XKR7: variants seen among roughly 807,000 people sequenced by gnomAD.
XKR7 encodes the protein XK related 7, also known as XK-related protein 7.
XKR7 carries 11 observed loss-of-function variants against 42.2 expected under a neutral mutation model. The observed-to-expected ratio is 0.26, with a 90% CI of 0.16 to 0.43. The LOEUF (loss-of-function observed/expected upper bound fraction) is 0.43, where lower values mean the gene tolerates loss of function less well. Among genes scored for constraint, XKR7 ranks in the 20% least tolerant of loss-of-function variants. The probability of loss-of-function intolerance (pLI) is 1.00; values close to 1 mark genes in which losing one functional copy is unlikely to be tolerated. For missense variants in XKR7, 710 were observed against 802.2 expected, an observed-to-expected ratio of 0.89 and a Z score of 1.39; for synonymous variants, 346 against 366.4, an observed-to-expected ratio of 0.94 and a Z score of 0.64.
chr20:31,975,251 C>A (rs964818312), intron 1 of XKR7, among the ~76,000 whole-genome samples: 7 of 152,136 alleles, frequency 4.6e-5, no homozygotes, highest in African/African-American at 1.4e-4. Flanking sequence ...CCCGCCTCCA[C>A]CTGCAGGCAG....
At chr20:31,976,573 C>T (rs953122889) in intron 1 of XKR7, among the ~76,000 whole-genome samples, 4 of 151,948 alleles carry the variant, frequency 2.6e-5, no homozygotes, top group African/African-American at 4.8e-5. Context: ...TTAGTAGAAA[C>T]GGGGTTTCAC....
At chr20:31,980,023 A>G (rs1362047578) in intron 1 of XKR7, among the ~76,000 whole-genome samples, 1 of 151,556 alleles carries the variant, frequency 6.6e-6, no homozygotes, top group African/African-American at 2.4e-5. Context: ...GCTGTGCAAA[A>G]GAGGGACGCT....
Position 31,995,123 on chromosome 20 carries a change from C to T in XKR7, c.640C>T (p.Arg214Trp). The T allele has an allele frequency of 6.4e-7, 1 of 1,557,382 alleles. No homozygotes were observed. Among genetic ancestry groups the T allele is most frequent in the South Asian group, 1.2e-5 (1 of 84,710 alleles). Residue 214 changes from arginine to tryptophan, a missense_variant, in exon 2 of 3, where the codon CGG (arginine) becomes TGG (tryptophan). By Grantham distance (101) the Arg-to-Trp change is moderately radical. Coordinates refer to ENST00000562532, the MANE Select transcript of XKR7 (RefSeq NM_001011718.2). This position sits in a 1 kb window ranked among gnomAD's most constrained non-coding sequence, Gnocchi z 4.1. ...GAGCCGCTGGCGCGGGGAGCGGCTG[C>T]GGCGCCACTTCTACTGGCAGATGCT... is the stretch of plus-strand genomic sequence containing the variant. ...LQSRWRGERLRRHFYWQMLFE... is the reference protein window; with the variant it reads ...LQSRWRGERLWRHFYWQMLFE...
intron 1 of XKR7, among the ~76,000 whole-genome samples, chr20:31,969,030 G>A (rs1020043787): frequency 5.3e-5 from 8 of 152,124 alleles, no homozygotes; most frequent in Non-Finnish European, 1.2e-4. Context: ...GATCCTCAGG[G>A]GTGTGCGTGA....
chr20:31,983,829 C>A (rs2064524841), intron 1 of XKR7, among the ~76,000 whole-genome samples: 1 of 152,014 alleles, frequency 6.6e-6, no homozygotes, highest in African/African-American at 2.4e-5. Context: ...CACTTGTAAT[C>A]CCAGCTACTT....
At chr20:31,974,122 G>A (rs577449825) in intron 1 of XKR7, among the ~76,000 whole-genome samples, 16 of 152,276 alleles carry the variant, frequency 1.1e-4, no homozygotes. Flanking sequence ...GAACCTGGCA[G>A]GTGGAGGTTG....
At chr20:31,982,519 CAAA>C (rs558720693) in intron 1 of XKR7, among the ~76,000 whole-genome samples, 4 of 63,076 alleles carry the variant, frequency 6.3e-5, no homozygotes, top group African/African-American at 9.4e-5. Flanking sequence ...GACTCTGTCT[CAAA>C]AAAAAAAAAA....
intron 2 of XKR7, 107 bp from the exon 3 acceptor site, chr20:31,996,398 G>A (rs993887852): frequency 3.3e-5 from 25 of 750,890 alleles, no homozygotes; most frequent in African/African-American, 2.9e-4. Flanking sequence ...CTTTCCTCAC[G>A]CCTCTTCAAA....
Position 31,997,655 on chromosome 20 carries a change from T to C in XKR7, c.*198T>C. 1.7e-6 allele frequency: 1 copy of C among 578,800 alleles called. No individual in the cohort carries two copies. The highest frequency in any genetic ancestry group is 3.0e-6 in the Non-Finnish European group (1 of 331,340). 35.9% of individuals were successfully genotyped at this position (578,800 alleles called of 1,614,324 possible). The stretch of plus-strand genomic sequence containing the variant: ...CCAGCCCTGGGCCCCGTTTTCAGCC[T>C]TGTGGCCCATTCCCTAAATTCCCCT... On this transcript the variant is annotated 3_prime_UTR_variant, in exon 3 of 3. Transcript: ENST00000562532.
chr20:31,995,779 C>T lies in XKR7; in HGVS notation c.787+509C>T, dbSNP rs1244632421. On this transcript the variant is annotated intron_variant, in intron 2 of 2. Coordinates refer to ENST00000562532, the MANE Select transcript of XKR7 (RefSeq NM_001011718.2). This position sits in a 1 kb window ranked among gnomAD's most constrained non-coding sequence, Gnocchi z 4.1. ...GCCTAGTCCTGGCACCCATCCCCTC[C>T]TCCTCCCTACAGGCCCTGTTAATTT... Among the ~76,000 whole-genome samples, 2 of 152,060 alleles carry T rather than the reference C, an allele frequency of 1.3e-5. No homozygotes were observed. The highest frequency in any genetic ancestry group is 4.8e-5 in the African/African-American group (2 of 41,386).
At chr20:31,989,723 C>T (rs1445683587) in intron 1 of XKR7, among the ~76,000 whole-genome samples, 4 of 152,190 alleles carry the variant, frequency 2.6e-5, no homozygotes, top group Non-Finnish European at 4.4e-5. Flanking sequence ...AAGTGATCTT[C>T]CCACCTCAGC....
Position 32,001,496 on chromosome 20 carries a change from CCTCT to C in XKR7, c.*4040_*4043del, listed in dbSNP as rs773154299. The C allele has an allele frequency of 6.6e-6, 1 of 152,168 alleles. No individual in the cohort carries two copies. The highest frequency in any genetic ancestry group is 2.4e-5 in the African/African-American group (1 of 41,418). The allele number at this position is 152,168 out of a possible 1,614,324, so 9.4% of individuals were successfully genotyped here. A position where few individuals can be genotyped will look rare whatever the true frequency, so the allele number is the denominator to read the frequency against. ...AAGTCAGGGACAGAGGCTGTGGCTC[CCTCT>C]GAGACTTTGCTAGTCCAACCCTAAA... On this transcript the variant is annotated 3_prime_UTR_variant, in exon 3 of 3. Coordinates refer to ENST00000562532, the MANE Select transcript of XKR7 (RefSeq NM_001011718.2).
At position 31,973,840 on chromosome 20, in the gene XKR7, AG is replaced by A. The variant is rs1359400493; in HGVS notation, c.584+5082del. 4.6e-5 allele frequency among the ~76,000 whole-genome samples: 7 copies of A among 152,312 alleles called. No homozygotes were observed. The East Asian group carries it at 7.7e-4, about 17-fold the overall frequency. ...ACGGGGAGCCCAGGATAATTTGGCC[AG>A]AGAAGGAACATGATCTTGACTTGTG... is the stretch of plus-strand genomic sequence containing the variant. On this transcript the variant is annotated intron_variant, in intron 1 of 2. Coordinates refer to ENST00000562532, the MANE Select transcript of XKR7 (RefSeq NM_001011718.2).
intron 1 of XKR7, among the ~76,000 whole-genome samples, chr20:31,991,325 G>T (rs915526292): frequency 6.6e-6 from 1 of 152,152 alleles, no homozygotes; most frequent in African/African-American, 2.4e-5. Flanking sequence ...GGAATGTGGC[G>T]GCAGTGGGGA....
chr20:31,990,260 G>A (rs1464886385), intron 1 of XKR7, among the ~76,000 whole-genome samples: 2 of 151,474 alleles, frequency 1.3e-5, no homozygotes, highest in Non-Finnish European at 2.9e-5. Flanking sequence ...CAAACTCCCC[G>A]GTTCAAGAGA....
Position 31,996,965 on chromosome 20 carries a change from C to G in XKR7, c.1248C>G (p.Ile416Met), listed in dbSNP as rs1568893918. ...RNFSTDFYSL[I>M]MVCVVASSFA... ...TCTCAACCGACTTCTACTCGCTCAT[C>G]ATGGTCTGCGTAGTGGCCTCCAGCT... The change falls in exon 3 of 3, where the codon ATC (isoleucine) becomes ATG (methionine). Residue 416 changes from isoleucine to methionine, a missense_variant. By Grantham distance (10) the Ile-to-Met change is conservative. Transcript: ENST00000562532. 5 of 1,614,178 alleles carry G rather than the reference C, an allele frequency of 3.1e-6. No individual in the cohort carries two copies. The highest frequency in any genetic ancestry group is 4.2e-6 in the Non-Finnish European group (5 of 1,180,044).
chr20:31,975,852 A>T (rs2064482340), intron 1 of XKR7, among the ~76,000 whole-genome samples: 1 of 152,206 alleles, frequency 6.6e-6, no homozygotes, highest in Non-Finnish European at 1.5e-5. Flanking sequence ...TCAGTATAAA[A>T]ATGAAATTTA....
chr20:31,996,848 G>GGGCCGC lies in XKR7; in HGVS notation c.1132_1137dup (p.Gly378_Arg379dup). 6.2e-7 allele frequency: 1 copy of GGGCCGC among 1,613,804 alleles called. No individual in the cohort carries two copies. The highest frequency in any genetic ancestry group is 8.5e-7 in the Non-Finnish European group (1 of 1,180,004). On this transcript the variant is annotated inframe_insertion, in exon 3 of 3. Coordinates refer to ENST00000562532, the MANE Select transcript of XKR7 (RefSeq NM_001011718.2). ...TCTTCTGCTGGTTCAACGTCAAGGA[G>GGGCCGC]GGCCGCAGCCGCCGCCGCATGACCC... is the stretch of plus-strand genomic sequence containing the variant.
chr20:31,973,204 C>G (rs1041870087), intron 1 of XKR7, among the ~76,000 whole-genome samples: 3 of 152,178 alleles, frequency 2.0e-5, no homozygotes, highest in African/African-American at 7.2e-5. Flanking sequence ...TGGAACAAAG[C>G]TTTGTTCACG....
Sources: allele counts gnomAD v4.1 joint callset (sites outside exome capture counted in the v4.1 genomes callset), GRCh38; gene constraint gnomAD v4.1.1; non-coding constraint Gnocchi (gnomAD v3.1); transcripts MANE v1.5; gene names NCBI Gene and HGNC (gene_info 2026-07-23, HGNC 2026-07-21).